SUMF1: variants seen among roughly 807,000 people sequenced by gnomAD.
The protein encoded by SUMF1 is formylglycine-generating enzyme.
A neutral mutation model predicts 47.6 loss-of-function variants in SUMF1; 48 were observed. The ratio of observed to expected loss-of-function variants is 1.01; its 90% confidence interval spans 0.80 to 1.28. The LOEUF (loss-of-function observed/expected upper bound fraction) is 1.28, where lower values mean the gene tolerates loss of function less well. SUMF1 is among the 50% of genes most tolerant of loss of function. SUMF1 has a pLI of 0.00. For synonymous variants in SUMF1, 230 were observed against 192.1 expected (o/e 1.20, Z -1.63); for missense variants, 571 against 485.4 (o/e 1.18, Z -1.66).
At chr3:4,190,783 A>G (rs972847532) in intron 8 of SUMF1, among the ~76,000 whole-genome samples, 1 of 152,102 alleles carries the variant, frequency 6.6e-6, no homozygotes, top group Non-Finnish European at 1.5e-5. Context: ...AAAATAAGCC[A>G]CCATGCCTGC....
Position 4,071,592 on chromosome 3 carries a change from G to A in SUMF1, c.1015-2847C>T, listed in dbSNP as rs958090663. Reference sequence around the variant, plus strand: ...CACTGCTAGCGCAGGAGTCTGAGACGACCTGGGATGCTGGAGCTTAGTGGG... The same window carrying A: ...CACTGCTAGCGCAGGAGTCTGAGACAACCTGGGATGCTGGAGCTTAGTGGG... On this transcript the variant is annotated intron_variant and NMD_transcript_variant, in intron 8 of 12. Transcript: ENST00000448413. Among the ~76,000 whole-genome samples the A allele has an allele frequency of 2.0e-5, 3 of 152,302 alleles. 1 individual carries two copies. The East Asian group carries it at 5.8e-4, about 29-fold the overall frequency.
intron 8 of SUMF1, among the ~76,000 whole-genome samples, chr3:4,112,398 A>T (rs1165753802): frequency 1.3e-5 from 2 of 152,064 alleles, no homozygotes; most frequent in African/African-American, 4.8e-5. Flanking sequence ...CCTTCCAATA[A>T]AAGAGTTAGC....
At position 4,079,841 on chromosome 3, in the gene SUMF1, G is replaced by A. The variant is rs184778281; in HGVS notation, c.1015-11096C>T. On this transcript the variant is annotated intron_variant and NMD_transcript_variant, in intron 8 of 12. Coordinates refer to the SUMF1 transcript ENST00000448413. ...AGTCCTATCTTTTAAACCTACAGAT[G>A]GAGAAGCTGAAGCTGCAGAAACTGT... 3.5e-4 allele frequency among the ~76,000 whole-genome samples: 53 copies of A among 151,262 alleles called. 1 individual carries two copies. Among genetic ancestry groups the A allele is most frequent in the African/African-American group, 1.2e-3 (50 of 41,152 alleles).
chr3:4,229,560 T>C (rs958901196), intron 8 of SUMF1, among the ~76,000 whole-genome samples: 1 of 152,174 alleles, frequency 6.6e-6, no homozygotes, highest in Non-Finnish European at 1.5e-5. Context: ...AATTCATACA[T>C]AATGTTTGGC....
At chr3:4,347,094 T>C (rs966635142) in intron 8 of SUMF1, among the ~76,000 whole-genome samples, 1 of 152,210 alleles carries the variant, frequency 6.6e-6, no homozygotes, top group Non-Finnish European at 1.5e-5. Flanking sequence ...AGCTGGATTT[T>C]ACCAGAAATA....
chr3:4,074,501 A>T (rs1013282092), intron 8 of SUMF1, among the ~76,000 whole-genome samples: 1 of 152,158 alleles, frequency 6.6e-6, no homozygotes, highest in Middle Eastern at 3.4e-3. Flanking sequence ...GAGCAGGACT[A>T]AAGGAGAAAG....
chr3:4,303,931 T>G, intron 8 of SUMF1: 1 of 1,159,648 alleles, frequency 8.6e-7, no homozygotes, highest in Non-Finnish European at 1.1e-6. Context: ...AAACAGCCCC[T>G]CGAGTCAGCC....
chr3:4,110,592 C>G (rs1693274961), intron 8 of SUMF1, among the ~76,000 whole-genome samples: 1 of 151,788 alleles, frequency 6.6e-6, no homozygotes, highest in East Asian at 1.9e-4. Context: ...TGGAACCAAC[C>G]CAAATGTCCA....
At chr3:4,456,771 CACATATATACGTGTGTGTGTATATAT>C (rs2079633510) in intron 1 of SUMF1, among the ~76,000 whole-genome samples, 4 of 7,420 alleles carry the variant, frequency 5.4e-4, no homozygotes, top group African/African-American at 1.9e-3. Flanking sequence ...TGTATATATA[CACATATATACGTGTGTGTGTATATAT>C]ACGTGTATAT....
At chr3:4,174,586 G>A (rs7637764) in intron 8 of SUMF1, among the ~76,000 whole-genome samples, 30,948 of 151,754 alleles carry the variant, frequency 0.2, 3,757 homozygotes, top group East Asian at 0.4. Flanking sequence ...GGCCGAATAG[G>A]AACAGCTCCA....
chr3:4,288,096 T>C (rs569193896), intron 8 of SUMF1, among the ~76,000 whole-genome samples: 181 of 152,178 alleles, frequency 1.2e-3, no homozygotes, highest in Non-Finnish European at 2.3e-3. Context: ...GCAATCTAGG[T>C]CTATGACCAT....
intron 8 of SUMF1, among the ~76,000 whole-genome samples, chr3:4,101,170 T>C (rs1055893140): frequency 6.6e-6 from 1 of 150,638 alleles, no homozygotes; most frequent in African/African-American, 2.5e-5. Flanking sequence ...GAAATCAGTA[T>C]GTTAAAAAAA....
At position 4,362,266 on chromosome 3, in the gene SUMF1, G is replaced by C. The variant is rs932798229; in HGVS notation, c.1015-12C>G. 6 of 1,611,304 alleles carry C rather than the reference G, an allele frequency of 3.7e-6. No individual in the cohort carries two copies. The highest frequency in any genetic ancestry group is 3.3e-5 in the Admixed American group (2 of 60,026). On this transcript the variant is annotated splice_polypyrimidine_tract_variant and intron_variant, in intron 8 of 8. Coordinates refer to ENST00000272902, the MANE Select transcript of SUMF1 (RefSeq NM_182760.4). The stretch of plus-strand genomic sequence containing the variant: ...CTGTAACAATAAGACTGTGTAGAGA[G>C]AAAGAGCAAGGTAAGTGCTACTGGG...
At chr3:4,150,874 C>T (rs1679666369) in intron 8 of SUMF1, among the ~76,000 whole-genome samples, 1 of 151,180 alleles carries the variant, frequency 6.6e-6, no homozygotes. Context: ...GGAGGAGACC[C>T]CTGATATTAT....
chr3:4,402,580 T>C (rs1455376346), intron 7 of SUMF1, among the ~76,000 whole-genome samples: 61 of 152,324 alleles, frequency 4.0e-4, no homozygotes, highest in Non-Finnish European at 1.2e-4. Context: ...GGGCTTTGCC[T>C]TGGGCCCTGT....
intron 9 of SUMF1, among the ~76,000 whole-genome samples, chr3:4,047,823 C>T (rs530939391): frequency 2.3e-4 from 35 of 152,234 alleles, no homozygotes; most frequent in African/African-American, 7.7e-4. Flanking sequence ...GAGACTATCC[C>T]TTCTCTGCTT....
chr3:4,225,163 C>T (rs1696146853), intron 8 of SUMF1, among the ~76,000 whole-genome samples: 1 of 152,074 alleles, frequency 6.6e-6, no homozygotes, highest in Non-Finnish European at 1.5e-5. Flanking sequence ...AAAACATCTC[C>T]ACCCACAGCA....
intron 8 of SUMF1, among the ~76,000 whole-genome samples, chr3:4,285,560 C>T (rs1452318185): frequency 1.3e-5 from 2 of 152,144 alleles, no homozygotes; most frequent in African/African-American, 4.8e-5. Flanking sequence ...ATGAATACAA[C>T]TTGTATGTAA....
In SUMF1 at chr3:4,259,859, C is replaced by T. The variant is rs915962457; in HGVS notation, c.1014+116471G>A. Among the ~76,000 whole-genome samples the T allele has an allele frequency of 5.3e-5, 8 of 150,644 alleles. 1 individual carries two copies. Among genetic ancestry groups the T allele is most frequent in the Non-Finnish European group, 1.0e-4 (7 of 67,570 alleles). On this transcript the variant is annotated intron_variant and NMD_transcript_variant, in intron 8 of 12. Coordinates refer to the SUMF1 transcript ENST00000448413. ...TATTAAAACAACCCATAATTTACTA[C>T]TTAGAAACTATTACCATTTGTTTAA...
Sources: gnomAD v4.1 joint callset for allele counts (sites outside exome capture counted in the v4.1 genomes callset) on GRCh38, gnomAD v4.1.1 for gene constraint, MANE v1.5 for transcripts, NCBI Gene and HGNC (gene_info 2026-07-23, HGNC 2026-07-21) for gene names.